ZFHX3: variants seen among roughly 807,000 people sequenced by gnomAD.
ZFHX3 encodes zinc finger homeobox 3.
A neutral mutation model predicts 279.1 loss-of-function variants in ZFHX3; 42 were observed. The ratio of observed to expected loss-of-function variants is 0.15; its 90% confidence interval spans 0.12 to 0.19. ZFHX3 has a LOEUF of 0.19. ZFHX3 is among the 10% of genes least tolerant of loss of function. The pLI, the probability that ZFHX3 is intolerant of heterozygous loss-of-function variation, is 1.00. For missense variants in ZFHX3, 4,981 were observed against 4,754.0 expected, an observed-to-expected ratio of 1.05 and a Z score of -1.40; for synonymous variants, 2,293 against 1,957.8, an observed-to-expected ratio of 1.17 and a Z score of -4.52.
chr16:73,098,739 G>C (rs1403049331), intron 7 of ZFHX3: 5 of 151,998 alleles, frequency 3.3e-5, no homozygotes, highest in Admixed American at 1.3e-4. Context: ...TTGCTAGCTT[G>C]GCAGAGCCAG....
At chr16:73,164,899 T>C (rs374033358) in intron 5 of ZFHX3, among the ~76,000 whole-genome samples, 5 of 152,136 alleles carry the variant, frequency 3.3e-5, no homozygotes, top group East Asian at 3.9e-4. Flanking sequence ...TTCACCCACT[T>C]GAGGTTAGAC....
chr16:73,735,777 A>G (rs179184), intron 1 of ZFHX3, among the ~76,000 whole-genome samples: 7 of 152,052 alleles, frequency 4.6e-5, no homozygotes, highest in East Asian at 3.9e-4. Context: ...TCCACCTTAA[A>G]TAAGCAGGAG....
chr16:73,776,210 G>A (rs1959240838), intron 1 of ZFHX3, among the ~76,000 whole-genome samples: 1 of 152,144 alleles, frequency 6.6e-6, no homozygotes, highest in African/African-American at 2.4e-5. Flanking sequence ...CAGGCATGGG[G>A]AGAAGGCGAC....
chr16:72,856,488 T>C (rs974288690), intron 4 of ZFHX3, among the ~76,000 whole-genome samples: 8 of 152,326 alleles, frequency 5.3e-5, no homozygotes, highest in South Asian at 2.1e-4. Context: ...CGCAGGAGCT[T>C]AGATGCCTTC....
chr16:73,221,806 C>T (rs542972357), intron 5 of ZFHX3, among the ~76,000 whole-genome samples: 1 of 152,060 alleles, frequency 6.6e-6, no homozygotes, highest in South Asian at 2.1e-4. Flanking sequence ...TAAAAAGACC[C>T]TCTATTGTAC....
chr16:72,853,327 T>C lies in ZFHX3; in HGVS notation c.3449-23468A>G, dbSNP rs116480011. The stretch of plus-strand genomic sequence containing the variant: ...ATCAAATCTTATCAGAATTGAGCTA[T>C]AAATCTGTGAAGACTCCAATAATTT... On this transcript the variant is annotated intron_variant, in intron 4 of 9. Coordinates refer to ENST00000268489, the MANE Select transcript of ZFHX3 (RefSeq NM_006885.4). Among the ~76,000 whole-genome samples the C allele has an allele frequency of 7.7e-4, 118 of 152,384 alleles. 1 individual carries two copies. Among genetic ancestry groups the C allele is most frequent in the African/African-American group, 2.8e-3 (115 of 41,596 alleles).
At chr16:73,033,897 T>C (rs531254720) in intron 1 of ZFHX3, among the ~76,000 whole-genome samples, 20 of 152,294 alleles carry the variant, frequency 1.3e-4, no homozygotes, top group Admixed American at 8.5e-4. Flanking sequence ...GTGAGAAGAC[T>C]CCAGGACTTC....
At chr16:73,718,976 C>T (rs910654571) in intron 1 of ZFHX3, among the ~76,000 whole-genome samples, 10 of 152,148 alleles carry the variant, frequency 6.6e-5, no homozygotes, top group South Asian at 2.1e-4. Context: ...TGTATTACAT[C>T]AGGGTAAGGT....
intron 1 of ZFHX3, among the ~76,000 whole-genome samples, chr16:73,817,601 G>C (rs1960610929): frequency 6.6e-6 from 1 of 152,176 alleles, no homozygotes; most frequent in South Asian, 2.1e-4. Flanking sequence ...AGTTCGAATA[G>C]CTTTAGGAAC....
At chr16:72,860,011 C>T (rs1308284107) in intron 4 of ZFHX3, among the ~76,000 whole-genome samples, 2 of 152,160 alleles carry the variant, frequency 1.3e-5, no homozygotes, top group Non-Finnish European at 2.9e-5. Context: ...GAAGGGGTGG[C>T]GAGTTCTTAT....
At chr16:73,636,655 T>A (rs1372672586) in intron 2 of ZFHX3, among the ~76,000 whole-genome samples, 1 of 152,190 alleles carries the variant, frequency 6.6e-6, no homozygotes, top group East Asian at 1.9e-4. Context: ...ACCATGGGAA[T>A]TAAAAGATTT....
At chr16:73,011,420 C>T (rs1367479169) in intron 1 of ZFHX3, among the ~76,000 whole-genome samples, 2 of 151,944 alleles carry the variant, frequency 1.3e-5, no homozygotes, top group African/African-American at 2.4e-5. Context: ...GCGTGAGCCA[C>T]CACACCCAGC....
chr16:73,365,273 C>T (rs966965199), intron 3 of ZFHX3, among the ~76,000 whole-genome samples: 10 of 152,216 alleles, frequency 6.6e-5, no homozygotes, highest in African/African-American at 2.4e-4. Context: ...TACAGATTGC[C>T]TGGGGCTGCA....
At chr16:73,794,504 G>A (rs1959932795) in intron 1 of ZFHX3, among the ~76,000 whole-genome samples, 1 of 152,158 alleles carries the variant, frequency 6.6e-6, no homozygotes, top group African/African-American at 2.4e-5. Flanking sequence ...AACACCTTTA[G>A]GTTGCATGGT....
chr16:73,739,730 T>C (rs2053638330), intron 1 of ZFHX3, among the ~76,000 whole-genome samples: 1 of 152,140 alleles, frequency 6.6e-6, no homozygotes, highest in Non-Finnish European at 1.5e-5. Flanking sequence ...GGCCAAACAA[T>C]CAGTTTCCCT....
At chr16:72,849,601 G>A (rs2037561492) in intron 4 of ZFHX3, among the ~76,000 whole-genome samples, 1 of 152,092 alleles carries the variant, frequency 6.6e-6, no homozygotes, top group Non-Finnish European at 1.5e-5. Context: ...TAATTACCAC[G>A]TTCCTCATTA....
rs529230051 is a variant in ZFHX3, at chr16:73,041,037, T to C, written c.-50+6715A>G. ...GGCCACCTTTCCAAAGAGTGGGCTT[T>C]TTTGATTCACCTTTGCTTCTCCCAT... On this transcript the variant is annotated intron_variant, in intron 1 of 9. Transcript: ENST00000268489. Among the ~76,000 whole-genome samples the C allele has an allele frequency of 2.6e-5, 4 of 152,328 alleles. No individual in the cohort carries two copies. The South Asian group carries it at 6.2e-4, about 24-fold the overall frequency.
chr16:73,367,292 C>G (rs2016546069), intron 3 of ZFHX3, among the ~76,000 whole-genome samples: 1 of 152,128 alleles, frequency 6.6e-6, no homozygotes, highest in Non-Finnish European at 1.5e-5. Context: ...GCTATTGAAC[C>G]AAGATGGCTC....
At chr16:73,684,116 A>G (rs904565688) in intron 1 of ZFHX3, among the ~76,000 whole-genome samples, 4 of 152,142 alleles carry the variant, frequency 2.6e-5, no homozygotes, top group African/African-American at 9.7e-5. Context: ...CAGCGTAGCA[A>G]GACCCTGTCT....
Sources: allele counts gnomAD v4.1 joint callset (sites outside exome capture counted in the v4.1 genomes callset), GRCh38; gene constraint gnomAD v4.1.1; transcripts MANE v1.5; gene names NCBI Gene and HGNC (gene_info 2026-07-23, HGNC 2026-07-21).